NFIC: variants seen among roughly 807,000 people sequenced by gnomAD.
The protein encoded by NFIC is nuclear factor 1 C-type.
A neutral mutation model predicts 54.4 loss-of-function variants in NFIC; 12 were observed. The ratio of observed to expected loss-of-function variants is 0.22; its 90% CI spans 0.14 to 0.36. NFIC has a LOEUF of 0.36. Ranked by LOEUF, NFIC falls within the 10% of genes least tolerant of loss-of-function variation. NFIC has a pLI of 1.00. For missense variants in NFIC, 575 were observed against 718.2 expected (o/e 0.80, Z 2.28); for synonymous variants, 322 against 319.2 (o/e 1.01, Z -0.09).
At chr19:3,420,730 CTT>C (rs201736776) in intron 2 of NFIC, among the ~76,000 whole-genome samples, 1 of 145,566 alleles carries the variant, frequency 6.9e-6, no homozygotes. Context: ...CATTCATCAC[CTT>C]TTTTTTTTTG....
intron 1 of NFIC, among the ~76,000 whole-genome samples, chr19:3,361,253 A>C (rs1217862461): frequency 6.6e-6 from 1 of 152,072 alleles, no homozygotes. Flanking sequence ...GCGGGGCGGC[A>C]GGGGTTCCCC....
intron 1 of NFIC, among the ~76,000 whole-genome samples, chr19:3,367,459 G>A (rs1302580273): frequency 1.3e-5 from 2 of 149,150 alleles, no homozygotes; most frequent in Non-Finnish European, 3.0e-5. Context: ...TCGCCAGCCC[G>A]GCACCTGCCC....
At chr19:3,366,448 G>C (rs1211528349), upstream of NFIC, 2 of 503,182 alleles carry the variant, frequency 4.0e-6, no homozygotes, top group Non-Finnish European at 6.9e-6. Context: ...AGAGAGCGAG[G>C]CGGGCGGCGC....
chr19:3,464,570 ACTCCCCCCACCACTGCCCC>A lies in NFIC; in HGVS notation c.*1809_*1827del. On this transcript the variant is annotated 3_prime_UTR_variant, in exon 11 of 11. Transcript: ENST00000443272. ...AACTGACCTCCATGCCTAGGGAAAAACTCCCCCCACCACTGCCCCCTCCCCCGACCCAGGCCAAAGCCAG... is the reference window on the plus strand; with the variant it reads ...AACTGACCTCCATGCCTAGGGAAAAACTCCCCCGACCCAGGCCAAAGCCAG... 1.0e-6 allele frequency: 1 copy of A among 953,872 alleles called. No individual in the cohort carries two copies. The highest frequency in any genetic ancestry group is 1.2e-6 in the Non-Finnish European group (1 of 810,056). The allele number at this position is 953,872 out of a possible 1,614,324, so 59.1% of individuals were successfully genotyped here.
At position 3,465,655 on chromosome 19, in the gene NFIC, C is replaced by A. The variant is rs988048299; in HGVS notation, c.*2886C>A. 1 of 152,176 alleles carries A rather than the reference C, an allele frequency of 6.6e-6. No homozygotes were observed. The highest frequency in any genetic ancestry group is 2.1e-4 in the South Asian group (1 of 4,824). 9.4% of individuals were successfully genotyped at this position (152,176 alleles called of 1,614,324 possible). A position where few individuals can be genotyped will look rare whatever the true frequency, so the allele number is the denominator to read the frequency against. On this transcript the variant is annotated 3_prime_UTR_variant, in exon 11 of 11. Transcript: ENST00000443272. ...ATCCCTTGCCCAGAGGACAGACCTCCGGGGCCCATCTTGGCCCTGGGAAAG... is the reference window on the plus strand; with the variant it reads ...ATCCCTTGCCCAGAGGACAGACCTCAGGGGCCCATCTTGGCCCTGGGAAAG...
chr19:3,379,870 C>G (rs960929096), intron 1 of NFIC, among the ~76,000 whole-genome samples: 3 of 151,216 alleles, frequency 2.0e-5, no homozygotes, highest in African/African-American at 7.3e-5. Flanking sequence ...TTTGTAGAAA[C>G]GGGGCCTCGC....
At chr19:3,395,704 G>A (rs1013684009) in intron 2 of NFIC, among the ~76,000 whole-genome samples, 9 of 151,352 alleles carry the variant, frequency 5.9e-5, no homozygotes, top group Admixed American at 3.3e-4. Context: ...TTTTTGAGAC[G>A]GAGTCTTGCT....
Position 3,434,375 on chromosome 19 carries a change from A to G in NFIC, c.808A>G (p.Thr270Ala). The G allele has an allele frequency of 6.2e-7, 1 of 1,611,688 alleles. No individual in the cohort carries two copies. The highest frequency in any genetic ancestry group is 8.5e-7 in the Non-Finnish European group (1 of 1,179,004). The change falls in exon 5 of 11, where the codon ACG (threonine) becomes GCG (alanine). Residue 270 changes from threonine (T) to alanine (A), a missense_variant. By Grantham distance (58) the Thr-to-Ala change is moderately conservative. Around this residue, in one of 3 missense-constraint regions of NFIC, gnomAD observed 447 missense variants for 526.9 expected, o/e 0.85. Transcript: ENST00000443272. Reference sequence around the variant, plus strand: ...CCCAGCCAGCACTGGCCTCAGAAGAACGCTGCCCAGCACCTCCTCCAGTGG... The same window carrying G: ...CCCAGCCAGCACTGGCCTCAGAAGAGCGCTGCCCAGCACCTCCTCCAGTGG... ...LNPASTGLRR[T>A]LPSTSSSGSK...
upstream of NFIC, among the ~76,000 whole-genome samples, chr19:3,362,843 A>G (rs2080827675): frequency 6.6e-6 from 1 of 151,748 alleles, no homozygotes; most frequent in South Asian, 2.1e-4. Flanking sequence ...CTGTGTAATC[A>G]TTTGCCTGCA....
Position 3,467,976 on chromosome 19 carries a change from G to A in NFIC, c.*5207G>A, listed in dbSNP as rs1156584478. 1 of 151,326 alleles carries A rather than the reference G, an allele frequency of 6.6e-6. No homozygotes were observed. Among genetic ancestry groups the A allele is most frequent in the Non-Finnish European group, 1.5e-5 (1 of 67,936 alleles). 9.4% of individuals were successfully genotyped at this position (151,326 alleles called of 1,614,324 possible). On this transcript the variant is annotated 3_prime_UTR_variant, in exon 11 of 11. Coordinates refer to ENST00000443272, the MANE Select transcript of NFIC (RefSeq NM_001245002.2). ...TTCTGCCACGTCAGACACTTCCTGA[G>A]AGTCTCACCTTCAAAATGACACCGC...
chr19:3,373,821 C>T (rs983537609), intron 1 of NFIC, among the ~76,000 whole-genome samples: 2 of 152,144 alleles, frequency 1.3e-5, no homozygotes, highest in African/African-American at 4.8e-5. Flanking sequence ...TACCTGGGAC[C>T]GGCATGCAGC....
Position 3,375,463 on chromosome 19 carries a change from C to A in NFIC, c.31-6249C>A, listed in dbSNP as rs1216161272. Among the ~76,000 whole-genome samples the A allele has an allele frequency of 6.6e-6, 1 of 152,222 alleles. No individual in the cohort carries two copies. ...CTGTGTGACCCTGGACAAACCACTC[C>A]CCATCTCTGGGTCTCATCCAGTCAG... On this transcript the variant is annotated intron_variant, in intron 1 of 10. Transcript: ENST00000443272. This position sits in a 1 kb window ranked among gnomAD's most constrained non-coding sequence, Gnocchi z 4.6.
At chr19:3,373,099 C>A (rs538732505) in intron 1 of NFIC, among the ~76,000 whole-genome samples, 1 of 152,226 alleles carries the variant, frequency 6.6e-6, no homozygotes, top group South Asian at 2.1e-4. Flanking sequence ...CCCGCCTCGG[C>A]CTCCCAAAGT....
intron 6 of NFIC, among the ~76,000 whole-genome samples, chr19:3,447,961 A>G (rs993732707): frequency 3.3e-5 from 5 of 152,036 alleles, no homozygotes; most frequent in African/African-American, 1.2e-4. Context: ...CTGGAGTGCA[A>G]TGGCGTGATC....
At chr19:3,414,291 G>A (rs1257452905) in intron 2 of NFIC, among the ~76,000 whole-genome samples, 1 of 151,958 alleles carries the variant, frequency 6.6e-6, no homozygotes, top group Non-Finnish European at 1.5e-5. Flanking sequence ...TTTTGTTTAC[G>A]ACCCTTTAAA....
At chr19:3,447,298 CAA>C (rs1178839836) in intron 6 of NFIC, among the ~76,000 whole-genome samples, 20 of 78,032 alleles carry the variant, frequency 2.6e-4, no homozygotes, top group Admixed American at 3.1e-4. Context: ...GACTCTATCT[CAA>C]AAAAAAAAAA....
rs2082591700 is a variant in NFIC, at chr19:3,458,370, A to ATT, written c.1509+1735_1509+1736insTT. ...GTGGTTCAGAAACCAAAGCTAATAAAAGCTGCGGTGGGAGGAGGCCCAGCC... is the reference window on the plus strand; with the variant it reads ...GTGGTTCAGAAACCAAAGCTAATAAATTAGCTGCGGTGGGAGGAGGCCCAGCC... On this transcript the variant is annotated intron_variant, in intron 10 of 10. Transcript: ENST00000443272. This position sits in a 1 kb window ranked among gnomAD's most constrained non-coding sequence, Gnocchi z 4.1. 6.6e-6 allele frequency among the ~76,000 whole-genome samples: 1 copy of ATT among 151,974 alleles called. No homozygotes were observed. Among genetic ancestry groups the ATT allele is most frequent in the Non-Finnish European group, 1.5e-5 (1 of 67,972 alleles).
Position 3,371,998 on chromosome 19 carries a change from CCTCTCTCTCTCTCT to C in NFIC, c.30+5364_30+5377del, listed in dbSNP as rs56852086. On this transcript the variant is annotated intron_variant, in intron 1 of 10. Coordinates refer to ENST00000443272, the MANE Select transcript of NFIC (RefSeq NM_001245002.2). ...CTTTCTCTCTCTCTCCCTCTCTCTC[CCTCTCTCTCTCTCT>C]CTCTCTCTCTCTCTCTCTCTCTCTC... Among the ~76,000 whole-genome samples the C allele has an allele frequency of 8.1e-3, 288 of 35,414 alleles. 11 individuals carry two copies. Among genetic ancestry groups the C allele is most frequent in the African/African-American group, 0.027 (262 of 9,874 alleles). 23.2% of individuals were successfully genotyped at this position (35,414 alleles called of 152,430 possible).
At chr19:3,361,658 A>G (rs1015565228), upstream of NFIC, among the ~76,000 whole-genome samples, 3 of 152,042 alleles carry the variant, frequency 2.0e-5, no homozygotes, top group African/African-American at 7.2e-5. Flanking sequence ...GGCCTCCCCC[A>G]ACAACACTCA....
Sources: allele counts gnomAD v4.1 joint callset (sites outside exome capture counted in the v4.1 genomes callset), GRCh38; gene constraint gnomAD v4.1.1; regional missense constraint gnomAD v4.1.1; non-coding constraint Gnocchi (gnomAD v3.1); transcripts MANE v1.5; gene names NCBI Gene and HGNC (gene_info 2026-07-23, HGNC 2026-07-21).